NTNG1: variants seen among roughly 807,000 people sequenced by gnomAD.
NTNG1 encodes netrin G1.
A neutral mutation model predicts 54.0 loss-of-function variants in NTNG1; 16 were observed. The ratio of observed to expected loss-of-function variants is 0.30; its 90% CI spans 0.20 to 0.45. The LOEUF (loss-of-function observed/expected upper bound fraction) is 0.45, where lower values mean the gene tolerates loss of function less well. Ranked by LOEUF, NTNG1 falls within the 20% of genes least tolerant of loss-of-function variation. The pLI, the probability that NTNG1 is intolerant of heterozygous loss-of-function variation, is 1.00. For synonymous variants in NTNG1, 255 were observed against 263.1 expected (o/e 0.97, Z 0.30); for missense variants, 530 against 678.7 (o/e 0.78, Z 2.43).
At chr1:107,311,830 A>G (rs1667034145) in intron 2 of NTNG1, among the ~76,000 whole-genome samples, 1 of 152,214 alleles carries the variant, frequency 6.6e-6, no homozygotes, top group South Asian at 2.1e-4. Flanking sequence ...TATATGATGA[A>G]TTGCATGATG....
At chr1:107,314,314 G>A (rs993125303) in intron 2 of NTNG1, among the ~76,000 whole-genome samples, 2 of 152,072 alleles carry the variant, frequency 1.3e-5, no homozygotes, top group Non-Finnish European at 2.9e-5. Flanking sequence ...CAGGCGAATC[G>A]CTTGAACCCG....
chr1:107,150,128 G>T (rs1252764051), intron 2 of NTNG1, among the ~76,000 whole-genome samples: 3 of 152,164 alleles, frequency 2.0e-5, no homozygotes, highest in Non-Finnish European at 4.4e-5. Context: ...ATTTTGTGGA[G>T]AGTGAGAAAA....
Position 107,168,616 on chromosome 1 carries a change from A to T in NTNG1, c.246+19777A>T, listed in dbSNP as rs187707609. 1.1e-4 allele frequency among the ~76,000 whole-genome samples: 16 copies of T among 152,222 alleles called. 1 individual carries two copies. In the East Asian group the frequency reaches 3.1e-3, roughly 29 times the overall value. ...CCCAATAGTAAATCTAGCTTAAAAT[A>T]ATCATATTTTAAATTGCATCCTGGA... On this transcript the variant is annotated intron_variant, in intron 2 of 7. Coordinates refer to ENST00000370068, the MANE Select transcript of NTNG1 (RefSeq NM_001113226.3).
At position 107,366,789 on chromosome 1, in the gene NTNG1, A is replaced by G. The variant is rs1424870398; in HGVS notation, c.888-28365A>G. Among the ~76,000 whole-genome samples, 4 of 152,202 alleles carry G rather than the reference A, an allele frequency of 2.6e-5. No homozygotes were observed. In the East Asian group the frequency reaches 7.7e-4, roughly 29 times the overall value. On this transcript the variant is annotated intron_variant, in intron 3 of 7. Coordinates refer to ENST00000370068, the MANE Select transcript of NTNG1 (RefSeq NM_001113226.3). ...TTTTCTTCTGAAAAATGTATAAGAA[A>G]TTATATGAAATACTTCTAAAATATC... is the stretch of plus-strand genomic sequence containing the variant.
chr1:107,349,501 A>G (rs1471382227), intron 3 of NTNG1, among the ~76,000 whole-genome samples: 1 of 152,184 alleles, frequency 6.6e-6, no homozygotes, highest in Non-Finnish European at 1.5e-5. Context: ...GAGAAATAGA[A>G]TATTAGCAAT....
intron 3 of NTNG1, chr1:107,329,007 A>G (rs1170080161): frequency 2.0e-5 from 3 of 152,236 alleles, no homozygotes; most frequent in South Asian, 4.1e-4. Flanking sequence ...TCCTGAAGGT[A>G]ATTATCGGTC....
intron 1 of NTNG1, among the ~76,000 whole-genome samples, chr1:107,143,740 A>G (rs1653908218): frequency 6.6e-6 from 1 of 152,132 alleles, no homozygotes; most frequent in Admixed American, 6.5e-5. Context: ...GAGACCTTAG[A>G]TCTCTGAACT....
At chr1:107,191,265 G>C (rs1394366286) in intron 2 of NTNG1, among the ~76,000 whole-genome samples, 2 of 151,766 alleles carry the variant, frequency 1.3e-5, no homozygotes, top group African/African-American at 2.4e-5. Flanking sequence ...CCCACTTTTT[G>C]ATGGGGTTGT....
At chr1:107,399,236 T>C (rs1384399086) in intron 4 of NTNG1, among the ~76,000 whole-genome samples, 10 of 152,198 alleles carry the variant, frequency 6.6e-5, no homozygotes. Flanking sequence ...AATAACTTTC[T>C]ATAAAACACT....
At chr1:107,338,783 G>A (rs1668736890) in intron 3 of NTNG1, among the ~76,000 whole-genome samples, 1 of 150,534 alleles carries the variant, frequency 6.6e-6, no homozygotes, top group South Asian at 2.1e-4. Flanking sequence ...ACAGAGAATA[G>A]GGTTCTGTAC....
intron 3 of NTNG1, among the ~76,000 whole-genome samples, chr1:107,349,285 T>C (rs1451709412): frequency 6.6e-6 from 1 of 152,176 alleles, no homozygotes; most frequent in Non-Finnish European, 1.5e-5. Context: ...TATTACCCTG[T>C]TGTTGTTGTT....
chr1:107,158,244 C>T (rs980661314), intron 2 of NTNG1, among the ~76,000 whole-genome samples: 7 of 152,058 alleles, frequency 4.6e-5, no homozygotes, highest in African/African-American at 1.7e-4. Context: ...TTCAGAGTTT[C>T]TTTTCTTACA....
intron 3 of NTNG1, 114 bp from the exon 4 acceptor site, chr1:107,395,040 G>C: frequency 1.3e-6 from 1 of 780,800 alleles, no homozygotes; most frequent in Non-Finnish European, 2.1e-6. Flanking sequence ...CTTACTAAAT[G>C]CCTCTGTGTA....
chr1:107,444,377 A>G (rs1250954543), intron 7 of NTNG1, among the ~76,000 whole-genome samples: 2 of 152,124 alleles, frequency 1.3e-5, no homozygotes, highest in African/African-American at 4.8e-5. Context: ...ACACTGATGG[A>G]GCTGGCTTGA....
intron 2 of NTNG1, among the ~76,000 whole-genome samples, chr1:107,153,677 C>T (rs1654760377): frequency 6.6e-6 from 1 of 152,176 alleles, no homozygotes; most frequent in South Asian, 2.1e-4. Context: ...CCTACAATAG[C>T]TCCTTACTAT....
intron 2 of NTNG1, among the ~76,000 whole-genome samples, chr1:107,264,506 A>T (rs1216093962): frequency 6.6e-6 from 1 of 152,208 alleles, no homozygotes; most frequent in Non-Finnish European, 1.5e-5. Flanking sequence ...TTAAAAGACT[A>T]TATATAGATT....
intron 5 of NTNG1, among the ~76,000 whole-genome samples, chr1:107,413,876 A>G (rs953568291): frequency 4.6e-5 from 7 of 152,176 alleles, no homozygotes; most frequent in African/African-American, 1.4e-4. Context: ...TGACCTTCTC[A>G]TTTATATAAA....
At chr1:107,146,942 T>G (rs1183986094) in intron 1 of NTNG1, among the ~76,000 whole-genome samples, 1 of 152,120 alleles carries the variant, frequency 6.6e-6, no homozygotes, top group African/African-American at 2.4e-5. Context: ...GGGTCTATAA[T>G]AGAATTTTCT....
In NTNG1 at chr1:107,148,543, C is replaced by G. The variant is rs1159186380; in HGVS notation, c.-51C>G. On this transcript the variant is annotated 5_prime_UTR_variant, in exon 2 of 8. In the 5' UTR this introduces an upstream ATG that the reference lacks. Coordinates refer to ENST00000370068, the MANE Select transcript of NTNG1 (RefSeq NM_001113226.3). ...TGTAAACTAGACAAAGATCGCAGAT[C>G]ATAAAGCAAGCTCTGCTTTAGTTTC... 1 of 1,580,694 alleles carries G rather than the reference C, an allele frequency of 6.3e-7. No homozygotes were observed. Among genetic ancestry groups the G allele is most frequent in the Non-Finnish European group, 8.7e-7 (1 of 1,152,542 alleles).
Sources: gnomAD v4.1 joint callset for allele counts (sites outside exome capture counted in the v4.1 genomes callset) on GRCh38, gnomAD v4.1.1 for gene constraint, MANE v1.5 for transcripts, NCBI Gene and HGNC (gene_info 2026-07-23, HGNC 2026-07-21) for gene names.